Variants in ATP11A observed in about 807,000 individuals in gnomAD.
ATP11A encodes the protein ATPase phospholipid transporting 11A, also known as phospholipid-transporting ATPase IH.
Under a neutral mutation model 154.4 loss-of-function variants are expected in ATP11A, and 81 were observed. The observed-to-expected ratio is 0.52, with a 90% confidence interval of 0.44 to 0.63. The LOEUF (loss-of-function observed/expected upper bound fraction) is 0.63, where lower values mean the gene tolerates loss of function less well. Among genes scored for constraint, ATP11A ranks in the 30% least tolerant of loss-of-function variants. The pLI is 0.00. For synonymous variants in ATP11A, 623 were observed against 585.9 expected (o/e 1.06, Z -0.91); for missense variants, 1,316 against 1,474.3 (o/e 0.89, Z 1.76).
intron 16 of ATP11A, among the ~76,000 whole-genome samples, chr13:112,836,752 G>A (rs986567118): frequency 6.6e-6 from 1 of 152,218 alleles, no homozygotes; most frequent in Admixed American, 6.5e-5. Context: ...CACTCGGTTC[G>A]TGCTCCGGAA....
intron 1 of ATP11A, among the ~76,000 whole-genome samples, chr13:112,736,812 T>C (rs1891046202): frequency 6.6e-6 from 1 of 152,156 alleles, no homozygotes; most frequent in African/African-American, 2.4e-5. Flanking sequence ...ATTAAAAACT[T>C]TTGTGCTTCA....
At chr13:112,829,766 G>A (rs1205757606) in intron 12 of ATP11A, among the ~76,000 whole-genome samples, 1 of 152,186 alleles carries the variant, frequency 6.6e-6, no homozygotes, top group Non-Finnish European at 1.5e-5. Context: ...GTTTGCTGAT[G>A]ACACAATCTT....
At chr13:112,692,243 C>T (rs562202897) in intron 1 of ATP11A, among the ~76,000 whole-genome samples, 1 of 152,288 alleles carries the variant, frequency 6.6e-6, no homozygotes, top group Admixed American at 6.5e-5. Flanking sequence ...TCACTTTGCC[C>T]GCGGTGTTCC....
At chr13:112,701,648 C>T (rs565481384) in intron 1 of ATP11A, among the ~76,000 whole-genome samples, 1 of 151,678 alleles carries the variant, frequency 6.6e-6, no homozygotes, top group Non-Finnish European at 1.5e-5. Context: ...CTGGCTAACA[C>T]GATGAAACCC....
intron 18 of ATP11A, chr13:112,851,952 TAATG>T (rs924972499): frequency 2.6e-5 from 4 of 152,206 alleles, no homozygotes; most frequent in Admixed American, 6.5e-5. Context: ...TGAAAAAACT[TAATG>T]AAGTAGAAAA....
intron 2 of ATP11A, among the ~76,000 whole-genome samples, chr13:112,802,777 C>T (rs920918516): frequency 6.6e-6 from 1 of 152,052 alleles, no homozygotes; most frequent in Non-Finnish European, 1.5e-5. Flanking sequence ...AGTTGGACTT[C>T]GTGAAGATTA....
At chr13:112,839,409 G>A (rs991238256) in intron 16 of ATP11A, among the ~76,000 whole-genome samples, 2 of 152,144 alleles carry the variant, frequency 1.3e-5, no homozygotes, top group South Asian at 2.1e-4. Context: ...CAGCCATTTC[G>A]GGGACATTTG....
chr13:112,698,928 A>G (rs888862163), intron 1 of ATP11A, among the ~76,000 whole-genome samples: 49 of 152,144 alleles, frequency 3.2e-4, no homozygotes, highest in African/African-American at 1.1e-3. Context: ...GGGTTTTGCT[A>G]TGTTGGCAAG....
chr13:112,769,168 C>T (rs994597960), intron 1 of ATP11A, among the ~76,000 whole-genome samples: 1 of 152,204 alleles, frequency 6.6e-6, no homozygotes, highest in Non-Finnish European at 1.5e-5. Flanking sequence ...TCCCCATGCC[C>T]GGCCTCCCCC....
intron 25 of ATP11A, among the ~76,000 whole-genome samples, chr13:112,865,065 C>T (rs1173607841): frequency 4.6e-5 from 6 of 131,198 alleles, no homozygotes; most frequent in South Asian, 2.5e-4. Context: ...AGCTTCCCAG[C>T]GGGATCCATC....
In ATP11A at chr13:112,785,918, T is replaced by C. The variant is rs868170160; in HGVS notation, c.162+661T>C. The stretch of plus-strand genomic sequence containing the variant: ...GGGGTAAACTGTGCTTTCCAGGTAA[T>C]GCGGAACGCACGTGCCTGCGTTCAG... On this transcript the variant is annotated intron_variant, in intron 2 of 29. Coordinates refer to ENST00000375645, the MANE Select transcript of ATP11A (RefSeq NM_015205.3). This position sits in a 1 kb window ranked among gnomAD's most constrained non-coding sequence, Gnocchi z 4.8. Among the ~76,000 whole-genome samples, 36 of 152,186 alleles carry C rather than the reference T, an allele frequency of 2.4e-4. No individual in the cohort carries two copies. Among genetic ancestry groups the C allele is most frequent in the African/African-American group, 8.7e-4 (36 of 41,462 alleles).
At chr13:112,867,305 G>C (rs1005646742) in intron 25 of ATP11A, among the ~76,000 whole-genome samples, 3 of 152,198 alleles carry the variant, frequency 2.0e-5, no homozygotes, top group Admixed American at 2.0e-4. Context: ...GCAGGGCCTG[G>C]GTCATACCCG....
chr13:112,694,507 G>A (rs1456372628), intron 1 of ATP11A, among the ~76,000 whole-genome samples: 1 of 152,210 alleles, frequency 6.6e-6, no homozygotes, highest in Non-Finnish European at 1.5e-5. Context: ...TTTACACGCT[G>A]TGGTAAAACA....
chr13:112,726,316 G>A (rs1566388557), intron 1 of ATP11A, among the ~76,000 whole-genome samples: 2 of 150,192 alleles, frequency 1.3e-5, no homozygotes, highest in African/African-American at 4.9e-5. Context: ...GGCACAGCGT[G>A]CATGCAAAGA....
Position 112,882,058 on chromosome 13 carries a change from C to G in ATP11A, c.*192C>G. 1.5e-6 allele frequency: 2 copies of G among 1,367,660 alleles called. No homozygotes were observed. Among genetic ancestry groups the G allele is most frequent in the Non-Finnish European group, 2.0e-6 (2 of 1,021,982 alleles). 84.7% of individuals were successfully genotyped at this position (1,367,660 alleles called of 1,614,324 possible). On this transcript the variant is annotated 3_prime_UTR_variant, in exon 30 of 30. Coordinates refer to ENST00000375645, the MANE Select transcript of ATP11A (RefSeq NM_015205.3). The surrounding 1 kb of genome is among the most constrained non-coding windows in gnomAD (Gnocchi z 5.1). ...GCCCTAGGTCCCGTGTGGGAATGCT[C>G]GTGTGATGGATGGTCCTAAGCCTGT...
intron 5 of ATP11A, chr13:112,811,858 G>C (rs2078510896): frequency 6.6e-6 from 1 of 152,160 alleles, no homozygotes. Context: ...CGCCTGCCTT[G>C]GCCTCCCAAA....
At chr13:112,840,621 G>A (rs1055106126) in intron 16 of ATP11A, among the ~76,000 whole-genome samples, 4 of 151,340 alleles carry the variant, frequency 2.6e-5, no homozygotes, top group African/African-American at 9.7e-5. Context: ...TTTGCTGCAT[G>A]TATTGGCAAC....
At chr13:112,758,458 C>T (rs2076893013) in intron 1 of ATP11A, among the ~76,000 whole-genome samples, 1 of 148,420 alleles carries the variant, frequency 6.7e-6, no homozygotes. Flanking sequence ...GAGTCTCTCT[C>T]TGTCGCCCAG....
chr13:112,882,834 TC>T lies in ATP11A; in HGVS notation c.*970del. ...GATACTTGGCTGTGATGAGCAGACATCCTCTGTCCCCGTGGAGGGGTCAACA... is the reference window on the plus strand; with the variant it reads ...GATACTTGGCTGTGATGAGCAGACATCTCTGTCCCCGTGGAGGGGTCAACA... On this transcript the variant is annotated 3_prime_UTR_variant, in exon 30 of 30. Coordinates refer to ENST00000375645, the MANE Select transcript of ATP11A (RefSeq NM_015205.3). This position sits in a 1 kb window ranked among gnomAD's most constrained non-coding sequence, Gnocchi z 5.1. The T allele has an allele frequency of 5.0e-6, 2 of 399,056 alleles. No homozygotes were observed. Among genetic ancestry groups the T allele is most frequent in the Non-Finnish European group, 8.8e-6 (2 of 226,456 alleles). 24.7% of individuals were successfully genotyped at this position (399,056 alleles called of 1,614,324 possible).
Sources: allele counts gnomAD v4.1 joint callset (sites outside exome capture counted in the v4.1 genomes callset), GRCh38; gene constraint gnomAD v4.1.1; non-coding constraint Gnocchi (gnomAD v3.1); transcripts MANE v1.5; gene names NCBI Gene and HGNC (gene_info 2026-07-23, HGNC 2026-07-21).